Variants in NKAIN2 observed in about 807,000 individuals in gnomAD.
The protein encoded by NKAIN2 is sodium/potassium transporting ATPase interacting 2, also known as sodium/potassium-transporting ATPase subunit beta-1-interacting protein 2.
NKAIN2 carries 14 observed loss-of-function variants against 32.6 expected under a neutral mutation model. The ratio of observed to expected loss-of-function variants is 0.43; its 90% confidence interval spans 0.28 to 0.67. The LOEUF is 0.67. NKAIN2 is among the 30% of genes least tolerant of loss of function. NKAIN2 has a pLI of 0.17. For missense variants in NKAIN2, 198 were observed against 258.3 expected, an observed-to-expected ratio of 0.77 and a Z score of 1.60; for synonymous variants, 80 against 87.2, an observed-to-expected ratio of 0.92 and a Z score of 0.46.
chr6:124,505,605 C>G (rs1201823546), intron 3 of NKAIN2, among the ~76,000 whole-genome samples: 2 of 152,148 alleles, frequency 1.3e-5, no homozygotes, highest in Non-Finnish European at 2.9e-5. Context: ...AAGGTTCCAG[C>G]TGGTAAATGA....
intron 1 of NKAIN2, among the ~76,000 whole-genome samples, chr6:124,065,510 T>A (rs1426324328): frequency 3.9e-5 from 6 of 152,150 alleles, no homozygotes; most frequent in Non-Finnish European, 7.3e-5. Flanking sequence ...ATAAAAGAGA[T>A]GTGAGGGAGC....
At chr6:124,175,339 T>A (rs1300461165) in intron 1 of NKAIN2, among the ~76,000 whole-genome samples, 1 of 152,168 alleles carries the variant, frequency 6.6e-6, no homozygotes, top group Admixed American at 6.5e-5. Context: ...ATATTATGCT[T>A]CAGGCCAGGA....
chr6:124,453,040 T>A (rs1035521284), intron 3 of NKAIN2, among the ~76,000 whole-genome samples: 1 of 151,952 alleles, frequency 6.6e-6, no homozygotes, highest in Admixed American at 6.6e-5. Flanking sequence ...GTTCAGTAGA[T>A]GCCAAGAACA....
chr6:124,218,401 A>G (rs929333291), intron 1 of NKAIN2, among the ~76,000 whole-genome samples: 1 of 152,186 alleles, frequency 6.6e-6, no homozygotes, highest in Non-Finnish European at 1.5e-5. Flanking sequence ...AATGAGTTTC[A>G]TCATGAATTT....
At chr6:124,512,117 GTTACATAAAAGCATT>G (rs1201923130) in intron 3 of NKAIN2, among the ~76,000 whole-genome samples, 7 of 152,126 alleles carry the variant, frequency 4.6e-5, no homozygotes, top group Non-Finnish European at 4.4e-5. Flanking sequence ...GGCTAACACA[GTTACATAAAAGCATT>G]TTATAAACAC....
At chr6:124,065,344 C>T (rs1783116767) in intron 1 of NKAIN2, among the ~76,000 whole-genome samples, 1 of 152,094 alleles carries the variant, frequency 6.6e-6, no homozygotes, top group Admixed American at 6.6e-5. Context: ...GCAGTTCCCG[C>T]TTACCCAGGC....
At chr6:124,411,606 C>A in intron 3 of NKAIN2, among the ~76,000 whole-genome samples, 1 of 152,192 alleles carries the variant, frequency 6.6e-6, no homozygotes. Flanking sequence ...TCTCTGGCTG[C>A]CCTTAACATT....
intron 4 of NKAIN2, among the ~76,000 whole-genome samples, chr6:124,746,100 T>A (rs1420681639): frequency 6.6e-6 from 1 of 151,892 alleles, no homozygotes; most frequent in Non-Finnish European, 1.5e-5. Context: ...TGAGGTAGGT[T>A]TTGATGTGGC....
intron 3 of NKAIN2, among the ~76,000 whole-genome samples, chr6:124,453,188 C>T (rs1183088195): frequency 1.3e-5 from 2 of 151,856 alleles, no homozygotes; most frequent in Non-Finnish European, 2.9e-5. Context: ...GCTAACAATA[C>T]CATATTTTAT....
chr6:124,520,639 G>A (rs1273756725), intron 3 of NKAIN2, among the ~76,000 whole-genome samples: 3 of 152,158 alleles, frequency 2.0e-5, no homozygotes, highest in South Asian at 2.1e-4. Context: ...ACAGAGATTC[G>A]AATGAGTAAA....
intron 1 of NKAIN2, among the ~76,000 whole-genome samples, chr6:123,934,534 T>G (rs893315131): frequency 7.2e-5 from 11 of 152,168 alleles, no homozygotes; most frequent in Non-Finnish European, 1.5e-5. Context: ...ACTTATTCTT[T>G]TATGTGCATG....
At chr6:124,726,982 T>C (rs935891910) in intron 4 of NKAIN2, among the ~76,000 whole-genome samples, 12 of 146,886 alleles carry the variant, frequency 8.2e-5, no homozygotes, top group Non-Finnish European at 1.2e-4. Flanking sequence ...ATGAATGAAA[T>C]GAAGCAAGAA....
chr6:123,976,865 G>A (rs1266463481), intron 1 of NKAIN2, among the ~76,000 whole-genome samples: 2 of 152,190 alleles, frequency 1.3e-5, no homozygotes, highest in African/African-American at 4.8e-5. Flanking sequence ...GTCATTACCA[G>A]TATATTTCCT....
intron 1 of NKAIN2, among the ~76,000 whole-genome samples, chr6:124,050,311 C>T (rs1291808877): frequency 1.3e-5 from 2 of 152,012 alleles, no homozygotes; most frequent in Non-Finnish European, 2.9e-5. Context: ...GGGCATTTCA[C>T]TTAGTCTGAC....
In NKAIN2 at chr6:124,722,527, A is replaced by T. The variant is rs1293366038; in HGVS notation, c.474+64141A>T. On this transcript the variant is annotated intron_variant, in intron 4 of 6. Transcript: ENST00000368417. ...TCCACCTTGGATCAGCAGGCATTAG[A>T]GTCTCATAAGGAGCATGCAACCTAG... Among the ~76,000 whole-genome samples the T allele has an allele frequency of 1.1e-4, 16 of 152,192 alleles. 1 individual carries two copies. Among genetic ancestry groups the T allele is most frequent in the East Asian group, 1.9e-4 (1 of 5,178 alleles).
intron 1 of NKAIN2, among the ~76,000 whole-genome samples, chr6:124,183,928 G>A (rs986580957): frequency 9.9e-5 from 15 of 152,074 alleles, no homozygotes; most frequent in African/African-American, 3.4e-4. Context: ...GATGAATAGA[G>A]ACATCTGCCA....
At chr6:124,658,564 T>C in intron 4 of NKAIN2, 178 bp downstream of exon 4, 6 of 1,423,492 alleles carry the variant, frequency 4.2e-6, no homozygotes, top group Non-Finnish European at 5.6e-6. Flanking sequence ...CTGGACTTAG[T>C]GTGCTGATTT....
chr6:124,524,112 T>C (rs1050376824), intron 3 of NKAIN2, among the ~76,000 whole-genome samples: 2 of 152,198 alleles, frequency 1.3e-5, no homozygotes, highest in Non-Finnish European at 2.9e-5. Flanking sequence ...TGAGTCTGTC[T>C]TGACAATGTT....
chr6:124,264,914 T>G (rs1235388525), intron 1 of NKAIN2, among the ~76,000 whole-genome samples: 1 of 152,188 alleles, frequency 6.6e-6, no homozygotes, highest in Non-Finnish European at 1.5e-5. Context: ...AATCTAGGTA[T>G]AAGTCATTTA....
Sources: gnomAD v4.1 joint callset for allele counts (sites outside exome capture counted in the v4.1 genomes callset) on GRCh38, gnomAD v4.1.1 for gene constraint, MANE v1.5 for transcripts, NCBI Gene and HGNC (gene_info 2026-07-23, HGNC 2026-07-21) for gene names.